OTOGL: variants seen among roughly 807,000 people sequenced by gnomAD.
OTOGL encodes the protein otogelin-like protein.
In OTOGL, 285 loss-of-function variants were observed where a neutral mutation model predicts 318.5. The ratio of observed to expected loss-of-function variants is 0.89; its 90% CI spans 0.81 to 0.99. The LOEUF is 0.99. Ranked by LOEUF, OTOGL falls within the 50% of genes least tolerant of loss-of-function variation. The pLI, the probability that OTOGL is intolerant of heterozygous loss-of-function variation, is 0.00. For synonymous variants in OTOGL, 987 were observed against 936.5 expected, an observed-to-expected ratio of 1.05 and a Z score of -0.99; for missense variants, 2,899 against 2,845.6, an observed-to-expected ratio of 1.02 and a Z score of -0.43.
intron 27 of OTOGL, among the ~76,000 whole-genome samples, chr12:80,298,013 T>C (rs1885525144): frequency 2.6e-5 from 4 of 152,238 alleles, no homozygotes; most frequent in Non-Finnish European, 5.9e-5. Context: ...TATTGTATCC[T>C]TGGAGCCTGC....
chr12:80,269,544 G>A (rs1883246579), intron 22 of OTOGL, among the ~76,000 whole-genome samples: 1 of 152,126 alleles, frequency 6.6e-6, no homozygotes, highest in Admixed American at 6.6e-5. Context: ...CTCACAGCCT[G>A]TCCCTTCCTG....
intron 1 of OTOGL, among the ~76,000 whole-genome samples, chr12:80,171,753 T>C (rs1874219877): frequency 6.6e-6 from 1 of 152,222 alleles, no homozygotes; most frequent in African/African-American, 2.4e-5. Context: ...TGGGGAGAAT[T>C]GATTTGTTAA....
chr12:80,345,122 G>A (rs1334524378), intron 44 of OTOGL, among the ~76,000 whole-genome samples: 1 of 98,228 alleles, frequency 1.0e-5, no homozygotes, highest in African/African-American at 3.9e-5. Flanking sequence ...ATATTATTAT[G>A]TTATATATTA....
rs1883281618 is a variant in OTOGL at position 80,270,006 on chromosome 12, A to G, written c.2466-96A>G. Reference sequence around the variant, plus strand: ...AAAATAACATTTGTATAATGTACTCAATCAATTCTTGTACGTTAGATTGTT... The same window carrying G: ...AAAATAACATTTGTATAATGTACTCGATCAATTCTTGTACGTTAGATTGTT... On this transcript the variant is annotated intron_variant, in intron 22 of 58. Transcript: ENST00000547103. The G allele has an allele frequency of 2.7e-5, 27 of 1,007,768 alleles. No homozygotes were observed. The South Asian group carries it at 4.1e-4, about 15-fold the overall frequency. 62.4% of individuals were successfully genotyped at this position (1,007,768 alleles called of 1,614,324 possible). A position where few individuals can be genotyped will look rare whatever the true frequency, so the allele number is the denominator to read the frequency against.
At chr12:80,234,796 A>G (rs1004725636) in intron 9 of OTOGL, among the ~76,000 whole-genome samples, 2 of 152,224 alleles carry the variant, frequency 1.3e-5, no homozygotes, top group African/African-American at 4.8e-5. Flanking sequence ...GTTTACTAGT[A>G]GCTAGAGTAG....
chr12:80,251,601 T>C (rs1881550948), intron 11 of OTOGL, 92 bp from the exon 12 acceptor site: 1 of 876,994 alleles, frequency 1.1e-6, no homozygotes, highest in Non-Finnish European at 1.8e-6. Flanking sequence ...GTATTCATCA[T>C]GCACTCAGCA....
At chr12:80,343,856 G>C (rs892968072) in intron 44 of OTOGL, 1 of 152,152 alleles carries the variant, frequency 6.6e-6, no homozygotes, top group African/African-American at 2.4e-5. Context: ...CGGAAACCCT[G>C]GGTAAGGGGG....
chr12:80,240,297 C>A (rs1007314301), intron 11 of OTOGL, among the ~76,000 whole-genome samples: 1 of 150,760 alleles, frequency 6.6e-6, no homozygotes, highest in African/African-American at 2.5e-5. Context: ...TTTTACCTAA[C>A]TAGCATGAAC....
chr12:80,105,082 A>C (rs1345479568), intron 1 of OTOGL, among the ~76,000 whole-genome samples: 1 of 152,152 alleles, frequency 6.6e-6, no homozygotes, highest in Non-Finnish European at 1.5e-5. Context: ...CAGCCTGGGC[A>C]ACAAGAGCAA....
intron 52 of OTOGL, among the ~76,000 whole-genome samples, chr12:80,362,377 C>T (rs1890289798): frequency 6.6e-6 from 1 of 152,146 alleles, no homozygotes; most frequent in African/African-American, 2.4e-5. Flanking sequence ...GTTTTGATTA[C>T]TGCAGCTTTG....
At chr12:80,297,339 T>G (rs1885475194) in intron 27 of OTOGL, among the ~76,000 whole-genome samples, 1 of 151,252 alleles carries the variant, frequency 6.6e-6, no homozygotes, top group African/African-American at 2.4e-5. Flanking sequence ...GTCTTTTTTT[T>G]TTTTTTTTTT....
intron 57 of OTOGL, among the ~76,000 whole-genome samples, chr12:80,375,678 T>C (rs774385852): frequency 6.6e-6 from 1 of 152,038 alleles, no homozygotes; most frequent in Non-Finnish European, 1.5e-5. Flanking sequence ...AAAATGTGGC[T>C]ATTGCACGGA....
intron 1 of OTOGL, among the ~76,000 whole-genome samples, chr12:80,138,091 T>G (rs565206533): frequency 1.3e-5 from 2 of 152,294 alleles, no homozygotes; most frequent in East Asian, 3.9e-4. Context: ...TTAGATGTCT[T>G]TTTTTAGACA....
intron 1 of OTOGL, among the ~76,000 whole-genome samples, chr12:80,166,370 A>G (rs1447241898): frequency 6.6e-6 from 1 of 152,166 alleles, no homozygotes; most frequent in Non-Finnish European, 1.5e-5. Flanking sequence ...TTTTTCACAA[A>G]TTATTTTCAT....
At chr12:80,274,851 C>G (rs1053622062) in intron 24 of OTOGL, among the ~76,000 whole-genome samples, 2 of 151,906 alleles carry the variant, frequency 1.3e-5, no homozygotes, top group African/African-American at 4.8e-5. Context: ...GTAAATGGAA[C>G]AACAAAGCCT....
intron 57 of OTOGL, among the ~76,000 whole-genome samples, chr12:80,373,507 A>G (rs895409621): frequency 2.0e-5 from 3 of 152,110 alleles, no homozygotes; most frequent in African/African-American, 7.2e-5. Context: ...ATATGAACTG[A>G]CATACATCTT....
At chr12:80,358,494 C>T in intron 50 of OTOGL, 145 bp downstream of exon 50, 1 of 832,594 alleles carries the variant, frequency 1.2e-6, no homozygotes. Context: ...CTTTTTGTAC[C>T]TGTTTATATG....
rs963389322 is a variant in OTOGL, at chr12:80,285,949, C to T, written c.2928+6783C>T. On this transcript the variant is annotated intron_variant, in intron 26 of 58. Coordinates refer to ENST00000547103, the MANE Select transcript of OTOGL (RefSeq NM_001378609.3). ...AAGAGGGGGCATCCTTGTCTTGTGC[C>T]GGTTTTCAAAGGGAATGCTTCCAGT... Among the ~76,000 whole-genome samples, 9 of 152,018 alleles carry T rather than the reference C, an allele frequency of 5.9e-5. No individual in the cohort carries two copies. The South Asian group carries it at 6.2e-4, about 11-fold the overall frequency.
intron 52 of OTOGL, among the ~76,000 whole-genome samples, chr12:80,359,410 A>G (rs775845630): frequency 2.6e-5 from 4 of 152,196 alleles, no homozygotes; most frequent in Non-Finnish European, 5.9e-5. Flanking sequence ...ATCCCGTGGT[A>G]CTTTACAAGT....
Sources: allele counts gnomAD v4.1 joint callset (sites outside exome capture counted in the v4.1 genomes callset), GRCh38; gene constraint gnomAD v4.1.1; transcripts MANE v1.5; gene names NCBI Gene and HGNC (gene_info 2026-07-23, HGNC 2026-07-21).